GALNT11: variants seen among roughly 807,000 people sequenced by gnomAD.
GALNT11 encodes the protein UDP-GalNAc:polypeptide N-acetylgalactosaminyltransferase 11.
Under a neutral mutation model 72.7 loss-of-function variants are expected in GALNT11, and 47 were observed. That is an observed-to-expected ratio of 0.65 (90% CI 0.51 to 0.82). The LOEUF is 0.82. Among genes scored for constraint, GALNT11 ranks in the 40% least tolerant of loss-of-function variants. GALNT11 has a pLI of 0.00. For missense variants in GALNT11, 677 were observed against 778.4 expected (o/e 0.87, Z 1.55); for synonymous variants, 270 against 286.6 (o/e 0.94, Z 0.58).
intron 1 of GALNT11, among the ~76,000 whole-genome samples, chr7:152,046,150 G>A (rs1177457104): frequency 6.6e-6 from 1 of 152,094 alleles, no homozygotes; most frequent in African/African-American, 2.4e-5. Context: ...GGTCGGAGAA[G>A]ATACTTGATA....
chr7:152,105,322 C>G lies in GALNT11; in HGVS notation c.664C>G (p.Arg222Gly). 6.2e-7 allele frequency: 1 copy of G among 1,613,908 alleles called. No individual in the cohort carries two copies. Among genetic ancestry groups the G allele is most frequent in the Non-Finnish European group, 8.5e-7 (1 of 1,179,936 alleles). The change falls in exon 5 of 12, where the codon CGT (arginine) becomes GGT (glycine). Residue 222 changes from arginine (R) to glycine (G), a missense_variant. By Grantham distance (125) the Arg-to-Gly change is moderately radical. Coordinates refer to ENST00000430044, the MANE Select transcript of GALNT11 (RefSeq NM_022087.4). ...AATTAAAGTCATAAGAAATACAAAG[C>G]GTGAGGGGTTGATTCGAGGGAGAAT... ...GKIKVIRNTKREGLIRGRMIG... is the reference protein window; with the variant it reads ...GKIKVIRNTKGEGLIRGRMIG...
chr7:152,102,934 T>C (rs1267930352), intron 3 of GALNT11, among the ~76,000 whole-genome samples, 178 bp from the exon 4 acceptor site: 4 of 141,942 alleles, frequency 2.8e-5, no homozygotes, highest in Non-Finnish European at 4.5e-5. Flanking sequence ...TGAGCCGAGA[T>C]AGCGCCACTG....
chr7:152,100,999 G>A (rs111896957), intron 3 of GALNT11, 78 bp downstream of exon 3: 185 of 1,549,758 alleles, frequency 1.2e-4, no homozygotes, highest in African/African-American at 6.6e-4. Flanking sequence ...TCACGAGGAC[G>A]GGGTTCATAT....
intron 1 of GALNT11, among the ~76,000 whole-genome samples, chr7:152,078,465 T>C (rs1007999863): frequency 6.6e-6 from 1 of 152,124 alleles, no homozygotes; most frequent in African/African-American, 2.4e-5. Flanking sequence ...CCTCCCAAAG[T>C]GCTGGGATGA....
chr7:152,082,891 A>G (rs541804990), intron 1 of GALNT11, among the ~76,000 whole-genome samples: 3 of 152,234 alleles, frequency 2.0e-5, no homozygotes, highest in Admixed American at 6.5e-5. Context: ...TTCTCTTAGT[A>G]TAAGCAGGTT....
At chr7:152,118,412 TA>T (rs1449090500) in intron 9 of GALNT11, 4 of 380,160 alleles carry the variant, frequency 1.1e-5, no homozygotes, top group Non-Finnish European at 1.9e-5. Context: ...TGTAGATTAG[TA>T]AACATGTATA....
rs576995539 is a variant in GALNT11, at chr7:152,082,705, T to G, written c.-38-11485T>G. ...AAATTTTGCTGCTAAGAGAAGTTAC[T>G]ATTTATTCCTAATTAGATGGGGAGG... is the stretch of plus-strand genomic sequence containing the variant. On this transcript the variant is annotated intron_variant, in intron 1 of 11. Transcript: ENST00000430044. Among the ~76,000 whole-genome samples, 255 of 152,364 alleles carry G rather than the reference T, an allele frequency of 1.7e-3. 1 individual carries two copies. Among genetic ancestry groups the G allele is most frequent in the Admixed American group, 3.4e-3 (52 of 15,306 alleles).
intron 2 of GALNT11, 123 bp from the exon 3 acceptor site, chr7:152,100,675 T>C (rs985499718): frequency 4.9e-5 from 61 of 1,252,436 alleles, no homozygotes; most frequent in Non-Finnish European, 6.3e-5. Flanking sequence ...CAACCTAAGT[T>C]TGAGAAAAGA....
chr7:152,029,831 GTAGT>G (rs1286487592), intron 1 of GALNT11, among the ~76,000 whole-genome samples: 2 of 152,238 alleles, frequency 1.3e-5, no homozygotes, highest in South Asian at 2.1e-4. Context: ...CCTTTGTATG[GTAGT>G]TAGTTAAGAT....
intron 1 of GALNT11, among the ~76,000 whole-genome samples, chr7:152,060,141 G>A (rs2083916578): frequency 1.3e-5 from 2 of 152,166 alleles, no homozygotes; most frequent in South Asian, 4.1e-4. Context: ...AACCTCATGA[G>A]CAATTCTTTG....
chr7:152,025,719 G>A lies in GALNT11; in HGVS notation c.-204G>A, dbSNP rs1318708311. The A allele has an allele frequency of 2.6e-5, 4 of 151,072 alleles. No homozygotes were observed. Among genetic ancestry groups the A allele is most frequent in the Admixed American group, 6.6e-5 (1 of 15,058 alleles). The allele number at this position is 151,072 out of a possible 1,614,324, so 9.4% of individuals were successfully genotyped here. A position where few individuals can be genotyped will look rare whatever the true frequency, so the allele number is the denominator to read the frequency against. On this transcript the variant is annotated 5_prime_UTR_variant, in exon 1 of 12. Transcript: ENST00000430044. ...ACTGGGCGAGGGCCCTGGGCCTGAGGAGGCGCGGCCGCCACTGCGCCCAGC... is the reference window on the plus strand; with the variant it reads ...ACTGGGCGAGGGCCCTGGGCCTGAGAAGGCGCGGCCGCCACTGCGCCCAGC...
At chr7:152,091,667 C>T (rs1056135663) in intron 1 of GALNT11, among the ~76,000 whole-genome samples, 4 of 152,120 alleles carry the variant, frequency 2.6e-5, no homozygotes, top group Admixed American at 6.5e-5. Flanking sequence ...TGTGAGCCAC[C>T]GCCCCCAGCC....
chr7:152,058,027 G>A (rs2083783766), intron 1 of GALNT11, among the ~76,000 whole-genome samples: 1 of 152,040 alleles, frequency 6.6e-6, no homozygotes. Context: ...TGATACTGTG[G>A]GTTCGGTTCT....
At chr7:152,032,996 G>A (rs1164502871) in intron 1 of GALNT11, among the ~76,000 whole-genome samples, 2 of 152,232 alleles carry the variant, frequency 1.3e-5, no homozygotes, top group African/African-American at 2.4e-5. Flanking sequence ...GATTAACACT[G>A]AGAAGGCCAC....
At chr7:152,112,128 G>T (rs569157545) in intron 7 of GALNT11, among the ~76,000 whole-genome samples, 1 of 152,164 alleles carries the variant, frequency 6.6e-6, no homozygotes, top group Non-Finnish European at 1.5e-5. Context: ...AAATATCCCA[G>T]TATTTCTCCC....
chr7:152,117,648 C>T (rs1232581621), intron 9 of GALNT11: 5 of 428,550 alleles, frequency 1.2e-5, no homozygotes, highest in African/African-American at 4.0e-5. Flanking sequence ...GAATACACCC[C>T]GGACAGAGGC....
In GALNT11 at chr7:152,122,146, A is replaced by AGG. The variant is rs1424086980; in HGVS notation, c.*470_*471dup. ...CATGATTTCCTTTCTTAGACTTCAT[A>AGG]GGAGATAGTGCTTTAAAAAAAAAAA... On this transcript the variant is annotated 3_prime_UTR_variant, in exon 12 of 12. Transcript: ENST00000430044. The AGG allele has an allele frequency of 6.6e-6, 1 of 151,906 alleles. No individual in the cohort carries two copies. Among genetic ancestry groups the AGG allele is most frequent in the Non-Finnish European group, 1.5e-5 (1 of 68,340 alleles). The allele number at this position is 151,906 out of a possible 1,614,324, so 9.4% of individuals were successfully genotyped here.
At chr7:152,103,574 T>C in intron 4 of GALNT11, 1 of 296,838 alleles carries the variant, frequency 3.4e-6, no homozygotes, top group Non-Finnish European at 6.7e-6. Context: ...ACGGCCTATG[T>C]ACCTTTATCC....
intron 11 of GALNT11, 58 bp from the exon 12 acceptor site, chr7:152,121,488 G>A: frequency 1.9e-6 from 3 of 1,575,246 alleles, no homozygotes; most frequent in Non-Finnish European, 2.6e-6. Context: ...TCTCTCCTCT[G>A]GATTTCCATG....
Sources: allele counts gnomAD v4.1 joint callset (sites outside exome capture counted in the v4.1 genomes callset), GRCh38; gene constraint gnomAD v4.1.1; transcripts MANE v1.5; gene names NCBI Gene and HGNC (gene_info 2026-07-23, HGNC 2026-07-21).